The following PTPRT variants were observed in gnomAD, a reference collection of about 807,000 sequenced individuals.
PTPRT encodes receptor-type tyrosine-protein phosphatase T.
In PTPRT, 56 loss-of-function variants were observed where a neutral mutation model predicts 176.8. That is an observed-to-expected ratio of 0.32 (90% CI 0.26 to 0.40). PTPRT has a LOEUF of 0.40. Ranked by LOEUF, PTPRT falls within the 10% of genes least tolerant of loss-of-function variation. The pLI, the probability that PTPRT is intolerant of heterozygous loss-of-function variation, is 1.00. For synonymous variants in PTPRT, 783 were observed against 739.0 expected, an observed-to-expected ratio of 1.06 and a Z score of -0.96; for missense variants, 1,540 against 1,908.2, an observed-to-expected ratio of 0.81 and a Z score of 3.60.
intron 27 of PTPRT, among the ~76,000 whole-genome samples, chr20:42,087,413 T>A (rs1351362347): frequency 1.4e-5 from 2 of 147,150 alleles, no homozygotes; most frequent in African/African-American, 4.9e-5. Context: ...TTTTTTTATT[T>A]TTATTTTGTG....
At chr20:42,631,723 C>G (rs149494275) in intron 7 of PTPRT, among the ~76,000 whole-genome samples, 1 of 152,266 alleles carries the variant, frequency 6.6e-6, no homozygotes, top group Admixed American at 6.5e-5. Flanking sequence ...GGCAAGGCAA[C>G]TCTCTAAAGC....
intron 9 of PTPRT, among the ~76,000 whole-genome samples, chr20:42,392,141 T>C (rs1264185386): frequency 3.3e-5 from 5 of 152,212 alleles, no homozygotes; most frequent in Non-Finnish European, 7.3e-5. Flanking sequence ...TTTTCCCTCA[T>C]GTCTTGCTTC....
At chr20:42,843,292 C>T (rs749779428) in intron 2 of PTPRT, among the ~76,000 whole-genome samples, 1 of 152,186 alleles carries the variant, frequency 6.6e-6, no homozygotes, top group Admixed American at 6.5e-5. Context: ...ATGCCACACC[C>T]GGCCTTCGTA....
chr20:42,340,127 G>C (rs6016752), intron 11 of PTPRT, among the ~76,000 whole-genome samples: 1 of 151,986 alleles, frequency 6.6e-6, no homozygotes, highest in Non-Finnish European at 1.5e-5. Flanking sequence ...GTGGCCATTG[G>C]GTACTTGAGA....
chr20:42,273,554 C>T, intron 13 of PTPRT, among the ~76,000 whole-genome samples: 1 of 152,320 alleles, frequency 6.6e-6, no homozygotes, highest in Admixed American at 6.5e-5. Flanking sequence ...GATGGGGAAA[C>T]AGAGACACAG....
intron 1 of PTPRT, among the ~76,000 whole-genome samples, chr20:43,095,521 C>T (rs2012097612): frequency 6.6e-6 from 1 of 151,982 alleles, no homozygotes; most frequent in South Asian, 2.1e-4. Flanking sequence ...CATGGCTCCC[C>T]ACCCACCTTG....
rs559363173 is a variant in PTPRT at position 42,987,504 on chromosome 20, T to C, written c.89-101572A>G. ...TGGGGCCTGCCAGACCTGCATGGTCTCACCTTGCTTGCTTCCCAGCCTCTT... is the reference window on the plus strand; with the variant it reads ...TGGGGCCTGCCAGACCTGCATGGTCCCACCTTGCTTGCTTCCCAGCCTCTT... On this transcript the variant is annotated intron_variant, in intron 1 of 30. Transcript: ENST00000373187. Among the ~76,000 whole-genome samples, 5 of 152,250 alleles carry C rather than the reference T, an allele frequency of 3.3e-5. No homozygotes were observed. In the East Asian group the frequency reaches 7.7e-4, roughly 24 times the overall value.
At chr20:42,495,267 A>C (rs2071633690) in intron 7 of PTPRT, among the ~76,000 whole-genome samples, 1 of 152,182 alleles carries the variant, frequency 6.6e-6, no homozygotes, top group South Asian at 2.1e-4. Context: ...AAGTTGTCTT[A>C]GGTCACTGGG....
At chr20:42,422,060 G>A (rs2059123392) in intron 9 of PTPRT, among the ~76,000 whole-genome samples, 1 of 152,148 alleles carries the variant, frequency 6.6e-6, no homozygotes, top group South Asian at 2.1e-4. Flanking sequence ...AACTCAAGAT[G>A]GATTACAGAC....
the PTPRT span, among the ~76,000 whole-genome samples, chr20:42,042,747 G>A: frequency 4.5e-4 from 68 of 152,358 alleles, no homozygotes; most frequent in Non-Finnish European, 5.3e-4. Context: ...TAGCCAGTTA[G>A]TGTTTTCAGA....
chr20:42,685,244 G>A (rs1283275059), intron 6 of PTPRT, among the ~76,000 whole-genome samples: 1 of 152,220 alleles, frequency 6.6e-6, no homozygotes, highest in Non-Finnish European at 1.5e-5. Context: ...AGAACGCAGA[G>A]AAGAAAATGC....
intron 9 of PTPRT, among the ~76,000 whole-genome samples, chr20:42,445,963 C>T (rs977635082): frequency 6.6e-6 from 1 of 152,214 alleles, no homozygotes; most frequent in Non-Finnish European, 1.5e-5. Context: ...TAGACCCTTG[C>T]TCTCCCTCTG....
chr20:42,534,448 A>C (rs1426433445), intron 7 of PTPRT, among the ~76,000 whole-genome samples: 1 of 152,044 alleles, frequency 6.6e-6, no homozygotes, highest in Non-Finnish European at 1.5e-5. Context: ...CCTGGCTAAC[A>C]TGGTGAAACC....
chr20:42,906,239 A>G (rs1488359947), intron 1 of PTPRT, among the ~76,000 whole-genome samples: 2 of 152,108 alleles, frequency 1.3e-5, no homozygotes, highest in Non-Finnish European at 2.9e-5. Flanking sequence ...GCATGCTGGC[A>G]GAAGACCACA....
chr20:42,704,308 C>A (rs572967986), intron 6 of PTPRT, among the ~76,000 whole-genome samples: 2 of 151,902 alleles, frequency 1.3e-5, no homozygotes, highest in Non-Finnish European at 2.9e-5. Context: ...TTAACACTGT[C>A]TTGCCGAGAC....
At chr20:42,689,141 C>T (rs963635968) in intron 6 of PTPRT, among the ~76,000 whole-genome samples, 13 of 152,304 alleles carry the variant, frequency 8.5e-5, no homozygotes, top group African/African-American at 3.1e-4. Flanking sequence ...TGTTTTCGCA[C>T]CCAAAAAGTT....
intron 11 of PTPRT, among the ~76,000 whole-genome samples, chr20:42,327,320 C>T (rs1301147355): frequency 6.6e-6 from 1 of 151,904 alleles, no homozygotes. Context: ...TTTAGTATGC[C>T]CTTGCCAACC....
At chr20:42,483,419 C>A (rs1480852138) in intron 7 of PTPRT, among the ~76,000 whole-genome samples, 1 of 152,224 alleles carries the variant, frequency 6.6e-6, no homozygotes, top group Non-Finnish European at 1.5e-5. Context: ...CCGCCTTGGC[C>A]TCCCAAAATA....
intron 27 of PTPRT, among the ~76,000 whole-genome samples, chr20:42,097,462 T>C (rs1405914021): frequency 1.3e-5 from 2 of 152,210 alleles, no homozygotes; most frequent in Non-Finnish European, 2.9e-5. Flanking sequence ...AAGGCCAAAG[T>C]CACCTTCTTT....
Sources: gnomAD v4.1 joint callset for allele counts (sites outside exome capture counted in the v4.1 genomes callset) on GRCh38, gnomAD v4.1.1 for gene constraint, MANE v1.5 for transcripts, NCBI Gene and HGNC (gene_info 2026-07-23, HGNC 2026-07-21) for gene names.